LARGE1: variants seen among roughly 807,000 people sequenced by gnomAD.
LARGE1 encodes the protein LARGE xylosyl- and glucuronyltransferase 1.
LARGE1 carries 43 observed loss-of-function variants against 87.6 expected under a neutral mutation model. That is an observed-to-expected ratio of 0.49 (90% CI 0.38 to 0.63). The LOEUF is 0.63. Among genes scored for constraint, LARGE1 ranks in the 30% least tolerant of loss-of-function variants. The pLI is 0.00. For missense variants in LARGE1, 802 were observed against 1,000.2 expected (o/e 0.80, Z 2.67); for synonymous variants, 434 against 394.6 (o/e 1.10, Z -1.18).
At chr22:33,334,584 A>G (rs1938206320) in intron 10 of LARGE1, among the ~76,000 whole-genome samples, 1 of 152,184 alleles carries the variant, frequency 6.6e-6, no homozygotes, top group African/African-American at 2.4e-5. Flanking sequence ...GGGAATAGCA[A>G]GCACGAAAGC....
chr22:33,770,986 G>C (rs1236985654), intron 1 of LARGE1, among the ~76,000 whole-genome samples: 3 of 152,000 alleles, frequency 2.0e-5, no homozygotes, highest in African/African-American at 7.3e-5. Context: ...TCTAGGCCTT[G>C]TCATCACCCA....
chr22:33,234,493 ACAGTGGATTTAT>A (rs1340742580), intron 11 of LARGE1, among the ~76,000 whole-genome samples: 1 of 152,182 alleles, frequency 6.6e-6, no homozygotes, highest in African/African-American at 2.4e-5. Flanking sequence ...TGTTTCTGAC[ACAGTGGATTTAT>A]AATAAAAAAG....
intron 1 of LARGE1, among the ~76,000 whole-genome samples, chr22:33,853,990 C>G (rs972980920): frequency 2.0e-5 from 3 of 152,102 alleles, no homozygotes; most frequent in African/African-American, 4.8e-5. Flanking sequence ...TGGGCAGGCT[C>G]GTGGCCAGCC....
chr22:33,319,753 T>C (rs1936536369), intron 10 of LARGE1, among the ~76,000 whole-genome samples: 1 of 151,920 alleles, frequency 6.6e-6, no homozygotes, highest in South Asian at 2.1e-4. Context: ...TAGATACTGA[T>C]AGAGTGCTAT....
the LARGE1 span, among the ~76,000 whole-genome samples, chr22:33,097,830 T>C: frequency 6.6e-6 from 1 of 152,196 alleles, no homozygotes; most frequent in Non-Finnish European, 1.5e-5. Flanking sequence ...GTTGAGGAAA[T>C]TAAATGGTAT....
chr22:33,379,262 C>CTTTCT (rs764818241), intron 9 of LARGE1, among the ~76,000 whole-genome samples: 229 of 130,704 alleles, frequency 1.8e-3, no homozygotes, highest in African/African-American at 4.8e-3. Flanking sequence ...TGATTTCTTT[C>CTTTCT]TTTTTTTTTT....
At chr22:33,702,754 C>T (rs2082437292) in intron 2 of LARGE1, among the ~76,000 whole-genome samples, 2 of 152,088 alleles carry the variant, frequency 1.3e-5, no homozygotes, top group Non-Finnish European at 2.9e-5. Context: ...CCAAGGACTA[C>T]AGAGGCAAGA....
rs924406933 is a variant in LARGE1, at chr22:33,653,650, C to T, written c.107-2982G>A. On this transcript the variant is annotated intron_variant, in intron 2 of 14. Coordinates refer to ENST00000397394, the MANE Select transcript of LARGE1 (RefSeq NM_133642.5). The stretch of plus-strand genomic sequence containing the variant: ...AATAACAAAATACAGAGCATGGTGT[C>T]CCTTATTGGGAGGCGCTTGGCATCA... Among the ~76,000 whole-genome samples, 5 of 152,166 alleles carry T rather than the reference C, an allele frequency of 3.3e-5. No individual in the cohort carries two copies. The East Asian group carries it at 9.6e-4, about 29-fold the overall frequency.
intron 1 of LARGE1, among the ~76,000 whole-genome samples, chr22:33,785,920 T>C (rs1443938694): frequency 6.6e-5 from 10 of 152,140 alleles, no homozygotes; most frequent in Admixed American, 2.6e-4. Context: ...CATGCTGTAT[T>C]AAGTTGCCAT....
chr22:33,612,966 A>G (rs1306399901), intron 4 of LARGE1, among the ~76,000 whole-genome samples: 1 of 152,222 alleles, frequency 6.6e-6, no homozygotes, highest in Non-Finnish European at 1.5e-5. Context: ...TCTGTCCAGA[A>G]GGCAGAGTAA....
At position 33,382,058 on chromosome 22, in the gene LARGE1, G is replaced by A. The variant is rs1197844730; in HGVS notation, c.1006-14C>T. ...ATTGAAAATATCCTGGGGGATGAAAGCCAAAGACACAGTCAAGACAGTCGG... is the reference window on the plus strand; with the variant it reads ...ATTGAAAATATCCTGGGGGATGAAAACCAAAGACACAGTCAAGACAGTCGG... On this transcript the variant is annotated splice_polypyrimidine_tract_variant and intron_variant, in intron 8 of 14. Coordinates refer to ENST00000397394, the MANE Select transcript of LARGE1 (RefSeq NM_133642.5). 3.7e-6 allele frequency: 6 copies of A among 1,613,890 alleles called. No homozygotes were observed. Among genetic ancestry groups the A allele is most frequent in the African/African-American group, 1.3e-5 (1 of 74,916 alleles).
chr22:33,156,332 G>A, the LARGE1 span, among the ~76,000 whole-genome samples: 1 of 152,142 alleles, frequency 6.6e-6, no homozygotes, highest in African/African-American at 2.4e-5. Context: ...GGGGCAGAAT[G>A]GGGAAAGGGG....
intron 11 of LARGE1, among the ~76,000 whole-genome samples, chr22:33,202,241 A>G (rs1289655284): frequency 6.6e-6 from 1 of 152,186 alleles, no homozygotes; most frequent in African/African-American, 2.4e-5. Flanking sequence ...CCCACTCCCA[A>G]CTTTAGAAAC....
At chr22:33,577,949 C>G (rs146214348) in intron 5 of LARGE1, among the ~76,000 whole-genome samples, 312 of 152,350 alleles carry the variant, frequency 2.0e-3, no homozygotes, top group African/African-American at 7.2e-3. Context: ...CAAAATGAAT[C>G]TCTTCACTGG....
chr22:33,859,049 G>A (rs957643332), intron 1 of LARGE1, among the ~76,000 whole-genome samples: 1 of 151,856 alleles, frequency 6.6e-6, no homozygotes, highest in African/African-American at 2.4e-5. Flanking sequence ...AGGGGGTCGG[G>A]GGCTAGGGGA....
intron 2 of LARGE1, among the ~76,000 whole-genome samples, chr22:33,701,414 A>G (rs1235130824): frequency 2.6e-5 from 4 of 152,332 alleles, no homozygotes; most frequent in East Asian, 1.9e-4. Context: ...TAAATTCCTG[A>G]TAACAGTGGC....
At chr22:33,255,645 G>T (rs1182827946) in intron 11 of LARGE1, among the ~76,000 whole-genome samples, 1 of 152,118 alleles carries the variant, frequency 6.6e-6, no homozygotes, top group African/African-American at 2.4e-5. Flanking sequence ...TTTTTAATTT[G>T]TCCCAGAAAC....
chr22:33,523,743 A>G (rs2071732263), intron 6 of LARGE1, among the ~76,000 whole-genome samples: 1 of 150,702 alleles, frequency 6.6e-6, no homozygotes, highest in African/African-American at 2.4e-5. Context: ...AAATAACTTT[A>G]TTTTGAAATA....
intron 11 of LARGE1, among the ~76,000 whole-genome samples, chr22:33,224,460 C>T (rs1046618080): frequency 2.0e-5 from 3 of 152,152 alleles, no homozygotes; most frequent in African/African-American, 7.2e-5. Flanking sequence ...AATTGACTCA[C>T]TTTTTGCCTC....
Sources: gnomAD v4.1 joint callset for allele counts (sites outside exome capture counted in the v4.1 genomes callset) on GRCh38, gnomAD v4.1.1 for gene constraint, MANE v1.5 for transcripts, NCBI Gene and HGNC (gene_info 2026-07-23, HGNC 2026-07-21) for gene names.